The following EFCAB11 variants were observed in gnomAD, a reference collection of about 807,000 sequenced individuals.
EFCAB11 encodes the protein EF-hand calcium-binding domain-containing protein 11.
Under a neutral mutation model 23.0 loss-of-function variants are expected in EFCAB11, and 14 were observed. The observed-to-expected ratio is 0.61, with a 90% CI of 0.40 to 0.95. The LOEUF is 0.95. EFCAB11 is among the 40% of genes least tolerant of loss of function. EFCAB11 has a pLI of 0.00. For synonymous variants in EFCAB11, 65 were observed against 66.6 expected, an observed-to-expected ratio of 0.98 and a Z score of 0.11; for missense variants, 198 against 195.8, an observed-to-expected ratio of 1.01 and a Z score of -0.07.
chr14:89,921,063 T>TAAAAAAAA (rs199585363), intron 5 of EFCAB11, among the ~76,000 whole-genome samples: 9 of 111,568 alleles, frequency 8.1e-5, no homozygotes, highest in Middle Eastern at 4.9e-3. Flanking sequence ...AGACTCTGTC[T>TAAAAAAAA]AAAAAAAAAA....
chr14:89,907,362 G>C (rs1889530361), intron 5 of EFCAB11, among the ~76,000 whole-genome samples: 1 of 152,182 alleles, frequency 6.6e-6, no homozygotes, highest in African/African-American at 2.4e-5. Flanking sequence ...AAAAAATACA[G>C]ATGTTTTTGG....
chr14:89,808,679 C>A (rs1349787183), intron 5 of EFCAB11, among the ~76,000 whole-genome samples: 3 of 152,050 alleles, frequency 2.0e-5, no homozygotes, highest in Non-Finnish European at 4.4e-5. Flanking sequence ...TAATACATGA[C>A]ATAAAAAATG....
intron 5 of EFCAB11, among the ~76,000 whole-genome samples, chr14:89,922,705 G>A (rs945722634): frequency 2.0e-5 from 3 of 152,088 alleles, no homozygotes; most frequent in Non-Finnish European, 4.4e-5. Flanking sequence ...ACTGTGCTAC[G>A]GGTGTGGGGA....
At chr14:89,913,396 G>A (rs1291423617) in intron 5 of EFCAB11, among the ~76,000 whole-genome samples, 1 of 152,164 alleles carries the variant, frequency 6.6e-6, no homozygotes, top group Non-Finnish European at 1.5e-5. Context: ...ATGGAGACCT[G>A]AGTTTTGATC....
chr14:89,842,007 C>T (rs933198391), intron 5 of EFCAB11, among the ~76,000 whole-genome samples: 9 of 152,260 alleles, frequency 5.9e-5, no homozygotes, highest in Middle Eastern at 3.4e-3. Context: ...AAACCTGCGC[C>T]GCCTGTGTTC....
rs1885565780 is a variant in EFCAB11, at chr14:89,796,025, AC to A, written c.*1217del. On this transcript the variant is annotated 3_prime_UTR_variant, in exon 6 of 6. Coordinates refer to ENST00000316738, the MANE Select transcript of EFCAB11 (RefSeq NM_145231.4). ...TGGGTGCAGGACGTGACTGCTAGAA[AC>A]CAGGGGGTATGGAGCAGAGGGCAGC... 2.0e-5 allele frequency: 3 copies of A among 152,298 alleles called. No homozygotes were observed. In the South Asian group the frequency reaches 6.2e-4, roughly 32 times the overall value. The allele number at this position is 152,298 out of a possible 1,614,324, so 9.4% of individuals were successfully genotyped here.
chr14:89,906,995 AAG>A, intron 5 of EFCAB11, among the ~76,000 whole-genome samples: 1 of 152,228 alleles, frequency 6.6e-6, no homozygotes, highest in South Asian at 2.1e-4. Flanking sequence ...AAGGTTTAGA[AAG>A]AGAGAATCAA....
At chr14:89,802,963 C>T (rs1324521290) in intron 5 of EFCAB11, among the ~76,000 whole-genome samples, 2 of 152,138 alleles carry the variant, frequency 1.3e-5, no homozygotes, top group African/African-American at 4.8e-5. Flanking sequence ...ATATTTTGGA[C>T]CAGACAATGC....
chr14:89,917,615 G>A (rs932985786), intron 5 of EFCAB11, among the ~76,000 whole-genome samples: 16 of 152,074 alleles, frequency 1.1e-4, no homozygotes, highest in African/African-American at 3.9e-4. Flanking sequence ...ATCATTACTA[G>A]GCAGTGGCAT....
chr14:89,817,994 AAAAT>A (rs142381636), intron 5 of EFCAB11, among the ~76,000 whole-genome samples: 53,068 of 150,640 alleles, frequency 0.35, 11,415 homozygotes, highest in African/African-American at 0.6. Flanking sequence ...ACTCTGTCTC[AAAAT>A]AAATAAATAA....
chr14:89,894,097 C>T (rs1481361335), intron 5 of EFCAB11, among the ~76,000 whole-genome samples: 1 of 151,882 alleles, frequency 6.6e-6, no homozygotes, highest in Non-Finnish European at 1.5e-5. Context: ...CTCCTGTGCC[C>T]GCCATCACGC....
intron 5 of EFCAB11, among the ~76,000 whole-genome samples, chr14:89,930,646 G>A (rs1890357246): frequency 6.6e-6 from 1 of 152,228 alleles, no homozygotes; most frequent in Non-Finnish European, 1.5e-5. Context: ...CTTGAAGCAA[G>A]AGGGAGAAGC....
chr14:89,810,205 C>A (rs1031220290), intron 5 of EFCAB11, among the ~76,000 whole-genome samples: 1 of 152,116 alleles, frequency 6.6e-6, no homozygotes, highest in Admixed American at 6.6e-5. Flanking sequence ...CAATAAGTAT[C>A]GGCTGAACAT....
intron 5 of EFCAB11, among the ~76,000 whole-genome samples, chr14:89,859,716 G>GTC (rs1176165163): frequency 6.6e-6 from 1 of 152,172 alleles, no homozygotes. Context: ...AGGTTAGGAG[G>GTC]GTAAGAGAGT....
chr14:89,881,466 T>TATATATATATATATATA (rs10524743), intron 5 of EFCAB11, among the ~76,000 whole-genome samples: 27 of 122,182 alleles, frequency 2.2e-4, no homozygotes, highest in Non-Finnish European at 2.6e-4. Flanking sequence ...TATATATATA[T>TATATATATATATATATA]TCTTTTTTTT....
chr14:89,817,875 T>C (rs1254778613), intron 5 of EFCAB11, among the ~76,000 whole-genome samples: 1 of 151,802 alleles, frequency 6.6e-6, no homozygotes, highest in Non-Finnish European at 1.5e-5. Context: ...GTGCCTGGAG[T>C]CCCAGCTACT....
chr14:89,903,537 A>G lies in EFCAB11; in HGVS notation c.410+28004T>C, dbSNP rs141599766. 3.7e-3 allele frequency among the ~76,000 whole-genome samples: 564 copies of G among 151,520 alleles called. 3 individuals carry two copies. The highest frequency in any genetic ancestry group is 0.013 in the African/African-American group (515 of 40,960). ...CAAAGGCTGTTTTGCTATTTGACGA[A>G]TAGAGAACTTGTTTCCTTATAATGG... On this transcript the variant is annotated intron_variant, in intron 5 of 5. Transcript: ENST00000316738.
intron 5 of EFCAB11, among the ~76,000 whole-genome samples, chr14:89,821,554 C>T (rs1285032130): frequency 1.3e-5 from 2 of 152,126 alleles, no homozygotes; most frequent in Non-Finnish European, 2.9e-5. Context: ...CACACTAGCC[C>T]TTCTGCCATA....
intron 5 of EFCAB11, among the ~76,000 whole-genome samples, chr14:89,912,410 G>C (rs1026209490): frequency 4.0e-5 from 6 of 151,272 alleles, no homozygotes; most frequent in Admixed American, 2.0e-4. Context: ...TTTTTTGATT[G>C]GCATTACCCA....
Sources: gnomAD v4.1 joint callset for allele counts (sites outside exome capture counted in the v4.1 genomes callset) on GRCh38, gnomAD v4.1.1 for gene constraint, MANE v1.5 for transcripts, NCBI Gene and HGNC (gene_info 2026-07-23, HGNC 2026-07-21) for gene names.